The following CLC variants were observed in gnomAD, a reference collection of about 807,000 sequenced individuals.
The protein encoded by CLC is Charcot-Leyden crystal galectin.
In CLC, 15 loss-of-function variants were observed where a neutral mutation model predicts 13.9. The observed-to-expected ratio is 1.08, with a 90% CI of 0.72 to 1.66. The LOEUF (loss-of-function observed/expected upper bound fraction) is 1.66. Ranked by LOEUF, CLC falls within the 40% of genes most tolerant of loss-of-function variation. CLC has a pLI of 0.00. For missense variants in CLC, 161 were observed against 169.1 expected (o/e 0.95, Z 0.27); for synonymous variants, 68 against 59.9 (o/e 1.14, Z -0.63).
intron 1 of CLC, among the ~76,000 whole-genome samples, chr19:39,737,576 C>T (rs1218376026): frequency 6.6e-6 from 1 of 152,106 alleles, no homozygotes; most frequent in African/African-American, 2.4e-5. Context: ...CTCACACACA[C>T]ACTCACATCA....
chr19:39,734,344 A>G lies in CLC; in HGVS notation c.242T>C (p.Met81Thr), dbSNP rs1205656136. 1 of 1,614,098 alleles carries G rather than the reference A, an allele frequency of 6.2e-7. No homozygotes were observed. Among genetic ancestry groups the G allele is most frequent in the South Asian group, 1.1e-5 (1 of 91,080 alleles). ...AAATTCTTGGCCATCCTGAAAGGGC[A>G]TATTCTTGGATTCCACCTGCTGCTT... ...AWKQQVESKN[M>T]PFQDGQEFEL... is the part of the protein sequence containing the mutation. The change falls in exon 3 of 4, where the codon ATG becomes ACG. Residue 81 changes from methionine (M) to threonine (T), a missense_variant. Physicochemically the swap from Met to Thr is moderately conservative, Grantham distance 81. Transcript: ENST00000221804.
At chr19:39,734,939 C>T (rs1396509599) in intron 2 of CLC, 58 bp downstream of exon 2, 2 of 1,309,470 alleles carry the variant, frequency 1.5e-6, no homozygotes, top group South Asian at 1.2e-5. Context: ...GAGGTCACCC[C>T]CTTAGAAAAT....
intron 1 of CLC, among the ~76,000 whole-genome samples, chr19:39,736,335 A>G (rs1967309302): frequency 6.6e-6 from 1 of 152,204 alleles, no homozygotes. Context: ...AGGGGCACAC[A>G]TTGCTGAGAG....
Position 39,731,365 on chromosome 19 carries a change from C to A in CLC, c.*15G>T. 1 of 1,612,240 alleles carries A rather than the reference C, an allele frequency of 6.2e-7. No individual in the cohort carries two copies. The highest frequency in any genetic ancestry group is 8.5e-7 in the Non-Finnish European group (1 of 1,179,202). On this transcript the variant is annotated 3_prime_UTR_variant, in exon 4 of 4. Transcript: ENST00000221804. ...TCACGTAGAGACAGGGATTCCTTGG[C>A]AACATGAAGTCTGGTTATCTCTTTA...
intron 2 of CLC, 118 bp from the exon 3 acceptor site, chr19:39,734,611 C>T: frequency 1.2e-6 from 1 of 819,388 alleles, no homozygotes; most frequent in Non-Finnish European, 2.0e-6. Flanking sequence ...GTATTCTAGG[C>T]CTTGTCATTG....
chr19:39,733,867 A>G (rs1022061790), intron 3 of CLC: 62 of 919,316 alleles, frequency 6.7e-5, no homozygotes, highest in Non-Finnish European at 7.8e-5. Flanking sequence ...GACTAAAACA[A>G]TTTTATTCAT....
intron 3 of CLC, among the ~76,000 whole-genome samples, 173 bp from the exon 4 acceptor site, chr19:39,731,678 A>C (rs58100423): frequency 6.6e-6 from 1 of 152,144 alleles, no homozygotes; most frequent in African/African-American, 2.4e-5. Context: ...ACTATCTGAG[A>C]CAGTTGCTCA....
intron 3 of CLC, chr19:39,733,855 C>T: frequency 1.2e-6 from 1 of 824,022 alleles, no homozygotes; most frequent in South Asian, 5.6e-5. Flanking sequence ...TCATATTGGA[C>T]TGACTAAAAC....
At position 39,738,004 on chromosome 19, in the gene CLC, A is replaced by T. The variant is rs1433821379; in HGVS notation, c.-52T>A. On this transcript the variant is annotated 5_prime_UTR_variant, in exon 1 of 4. Transcript: ENST00000221804. ...TGAATTGTGTCCAGACTTCTGTGTGAATCTCTGAGCTGCAGAATTTAAATG... is the reference window on the plus strand; with the variant it reads ...TGAATTGTGTCCAGACTTCTGTGTGTATCTCTGAGCTGCAGAATTTAAATG... 6.3e-7 allele frequency: 1 copy of T among 1,586,232 alleles called. No homozygotes were observed. Among genetic ancestry groups the T allele is most frequent in the Admixed American group, 1.7e-5 (1 of 58,692 alleles).
chr19:39,735,105 C>T, intron 1 of CLC, 32 bp from the exon 2 acceptor site: 1 of 1,541,568 alleles, frequency 6.5e-7, no homozygotes, highest in Non-Finnish European at 9.0e-7. Flanking sequence ...GTGAGAGAGG[C>T]AGGGCCAGGT....
intron 3 of CLC, chr19:39,733,773 A>C (rs553379379): frequency 3.8e-5 from 5 of 132,026 alleles, no homozygotes; most frequent in Non-Finnish European, 5.9e-5. Flanking sequence ...TTCTATAAGG[A>C]TAGACTATGG....
intron 1 of CLC, among the ~76,000 whole-genome samples, chr19:39,736,983 G>T (rs1444625620): frequency 6.6e-6 from 1 of 152,100 alleles, no homozygotes; most frequent in African/African-American, 2.4e-5. Context: ...CACCCAAAGT[G>T]CTGAGACTAC....
rs1165527794 is a variant in CLC, at chr19:39,737,835, A to G, written c.15+103T>C. 29 of 1,189,046 alleles carry G rather than the reference A, an allele frequency of 2.4e-5. 1 individual carries two copies. The Admixed American group carries it at 5.2e-4, about 21-fold the overall frequency. The allele number at this position is 1,189,046 out of a possible 1,614,324, so 73.7% of individuals were successfully genotyped here. On this transcript the variant is annotated intron_variant, in intron 1 of 3. Transcript: ENST00000221804. ...TTCCACACACCCACAACTCTCAGTA[A>G]AGCATTCACAGTAGAAATTTTCATA...
At chr19:39,732,939 C>A (rs7249415) in intron 3 of CLC, among the ~76,000 whole-genome samples, 77,105 of 121,944 alleles carry the variant, frequency 0.63, 25,204 homozygotes, top group African/African-American at 0.76. Context: ...TCTAATTAAA[C>A]TAAAGAGCTT....
At chr19:39,735,714 G>A (rs1191988730) in intron 1 of CLC, among the ~76,000 whole-genome samples, 1 of 152,172 alleles carries the variant, frequency 6.6e-6, no homozygotes, top group African/African-American at 2.4e-5. Flanking sequence ...CATGTTTTCA[G>A]TTATACAGTA....
At chr19:39,737,390 C>T (rs866885131) in intron 1 of CLC, among the ~76,000 whole-genome samples, 2 of 151,938 alleles carry the variant, frequency 1.3e-5, no homozygotes, top group African/African-American at 4.8e-5. Flanking sequence ...AGACAGAGTA[C>T]TGCTATGTGG....
At chr19:39,734,211 A>T (rs1967271769) in intron 3 of CLC, 72 bp downstream of exon 3, 2 of 1,504,986 alleles carry the variant, frequency 1.3e-6, no homozygotes, top group African/African-American at 2.7e-5. Flanking sequence ...ATCTGGAGTT[A>T]GGGCATGAAG....
rs1293090590 is a variant in CLC, at chr19:39,732,088, T to TA, written c.304-584_304-583insT. Among the ~76,000 whole-genome samples the TA allele has an allele frequency of 6.6e-3, 986 of 150,020 alleles. 5 individuals are homozygous for TA. Among genetic ancestry groups the TA allele is most frequent in the African/African-American group, 0.02 (801 of 40,664 alleles). On this transcript the variant is annotated intron_variant, in intron 3 of 3. Coordinates refer to ENST00000221804, the MANE Select transcript of CLC (RefSeq NM_001828.6). ...TTAAATTATTTATTTATTATTTATT[T>TA]TTTTTATTATACTTTAAGTTTTAGG...
intron 3 of CLC, among the ~76,000 whole-genome samples, chr19:39,733,667 C>T (rs151102010): frequency 6.6e-6 from 1 of 152,256 alleles, no homozygotes; most frequent in Non-Finnish European, 1.5e-5. Context: ...TTGAGTACAA[C>T]TCAACTGTCA....
Sources: allele counts gnomAD v4.1 joint callset (sites outside exome capture counted in the v4.1 genomes callset), GRCh38; gene constraint gnomAD v4.1.1; transcripts MANE v1.5; gene names NCBI Gene and HGNC (gene_info 2026-07-23, HGNC 2026-07-21).